PI15: variants seen among roughly 807,000 people sequenced by gnomAD.
The protein encoded by PI15 is 25 kDa trypsin inhibitor.
In PI15, 18 loss-of-function variants were observed where a neutral mutation model predicts 31.0. The ratio of observed to expected loss-of-function variants is 0.58; its 90% CI spans 0.40 to 0.86. The LOEUF is 0.86. PI15 is among the 40% of genes least tolerant of loss of function. The pLI is 0.00. For missense variants in PI15, 282 were observed against 328.1 expected, an observed-to-expected ratio of 0.86 and a Z score of 1.09; for synonymous variants, 118 against 119.1, an observed-to-expected ratio of 0.99 and a Z score of 0.06.
chr8:74,844,857 C>A, intron 3 of PI15: 1 of 378,656 alleles, frequency 2.6e-6, no homozygotes. Flanking sequence ...TTGATGATTC[C>A]TGAAATTATT....
chr8:74,831,700 C>A (rs1210766006), intron 2 of PI15, among the ~76,000 whole-genome samples: 1 of 152,042 alleles, frequency 6.6e-6, no homozygotes, highest in East Asian at 1.9e-4. Flanking sequence ...GTGGGAAGAC[C>A]TAGCTCAGAT....
chr8:74,826,574 A>G lies in PI15; in HGVS notation c.273+1052A>G, dbSNP rs1480304233. On this transcript the variant is annotated intron_variant, in intron 2 of 5. Transcript: ENST00000260113. Reference sequence around the variant, plus strand: ...TACAATTTAGACTCTGTGAAAATGCATTTTCCTAGAATTTATAAAGACAGA... The same window carrying G: ...TACAATTTAGACTCTGTGAAAATGCGTTTTCCTAGAATTTATAAAGACAGA... 1.1e-4 allele frequency among the ~76,000 whole-genome samples: 16 copies of G among 152,086 alleles called. 1 individual carries two copies. Among genetic ancestry groups the G allele is most frequent in the Admixed American group, 6.6e-4 (10 of 15,244 alleles).
intron 2 of PI15, among the ~76,000 whole-genome samples, chr8:74,830,674 T>C: frequency 6.6e-6 from 1 of 152,162 alleles, no homozygotes; most frequent in Non-Finnish European, 1.5e-5. Flanking sequence ...ATTAAACACT[T>C]GTAGTATCTA....
At chr8:74,834,213 G>A (rs1008361626) in intron 2 of PI15, among the ~76,000 whole-genome samples, 3 of 152,174 alleles carry the variant, frequency 2.0e-5, no homozygotes, top group South Asian at 2.1e-4. Flanking sequence ...CTCTTCCTGC[G>A]TTCATCTCTC....
chr8:74,836,077 T>TA (rs1810868536), intron 2 of PI15, among the ~76,000 whole-genome samples: 1 of 152,178 alleles, frequency 6.6e-6, no homozygotes, highest in South Asian at 2.1e-4. Context: ...ATATAGACTA[T>TA]AAAAAATAGA....
intron 2 of PI15, among the ~76,000 whole-genome samples, chr8:74,836,967 G>T (rs1283086732): frequency 6.6e-6 from 1 of 152,042 alleles, no homozygotes; most frequent in Non-Finnish European, 1.5e-5. Context: ...TAGGAAAAGG[G>T]TTCAAGAGAG....
At chr8:74,838,422 T>C (rs1027817880) in intron 2 of PI15, among the ~76,000 whole-genome samples, 37 of 152,278 alleles carry the variant, frequency 2.4e-4, no homozygotes, top group African/African-American at 8.7e-4. Flanking sequence ...TAAAAAGTAA[T>C]GTCAACTTTC....
chr8:74,846,380 CTG>C (rs1341961757), intron 5 of PI15, among the ~76,000 whole-genome samples: 4 of 152,152 alleles, frequency 2.6e-5, no homozygotes, highest in African/African-American at 9.7e-5. Flanking sequence ...GGAAAGTAGA[CTG>C]TGTCTGCATT....
chr8:74,826,374 T>C, intron 2 of PI15: 6 of 519,494 alleles, frequency 1.2e-5, no homozygotes, highest in Non-Finnish European at 1.5e-5. Flanking sequence ...GGGGAGGGGG[T>C]ACCACTAACA....
intron 2 of PI15, among the ~76,000 whole-genome samples, chr8:74,830,017 C>T (rs1050863240): frequency 1.3e-5 from 2 of 152,062 alleles, no homozygotes; most frequent in Non-Finnish European, 2.9e-5. Flanking sequence ...ATTAGGGATG[C>T]GTTTTAGAAA....
At chr8:74,825,830 A>T (rs943214901) in intron 2 of PI15, among the ~76,000 whole-genome samples, 1 of 152,064 alleles carries the variant, frequency 6.6e-6, no homozygotes, top group Non-Finnish European at 1.5e-5. Context: ...AAAGTGGGGT[A>T]TGTTGACTGA....
chr8:74,838,256 C>A (rs77246199), intron 2 of PI15, among the ~76,000 whole-genome samples: 2 of 151,036 alleles, frequency 1.3e-5, no homozygotes, highest in East Asian at 2.0e-4. Context: ...GATAAGAAAT[C>A]ATAAATTCAA....
chr8:74,837,973 T>G lies in PI15; in HGVS notation c.274-6008T>G, dbSNP rs187605659. Among the ~76,000 whole-genome samples, 943 of 152,252 alleles carry G rather than the reference T, an allele frequency of 6.2e-3. 6 individuals are homozygous for G. The highest frequency in any genetic ancestry group is 9.3e-3 in the Non-Finnish European group (631 of 68,008). On this transcript the variant is annotated intron_variant, in intron 2 of 5. Transcript: ENST00000260113. Reference sequence around the variant, plus strand: ...TTCTTTTTTCCTTAAAATTTTAACTTTATGAATTTTTGTTCTTTCCATAAG... The same window carrying G: ...TTCTTTTTTCCTTAAAATTTTAACTGTATGAATTTTTGTTCTTTCCATAAG...
At chr8:74,825,578 T>C in intron 2 of PI15, 56 bp downstream of exon 2, 1 of 1,414,078 alleles carries the variant, frequency 7.1e-7, no homozygotes. Flanking sequence ...CTTTATATTG[T>C]ACATCTGCAG....
At position 74,854,658 on chromosome 8, in the gene PI15, T is replaced by A. The variant is rs1346717629; in HGVS notation, c.*5405T>A. Reference sequence around the variant, plus strand: ...ATACTGTGCTAAGCTGGTGCTTGGATACATATTACAGCATCTTGTGTTTTA... The same window carrying A: ...ATACTGTGCTAAGCTGGTGCTTGGAAACATATTACAGCATCTTGTGTTTTA... On this transcript the variant is annotated 3_prime_UTR_variant, in exon 6 of 6. Transcript: ENST00000260113. The A allele has an allele frequency of 6.6e-6, 1 of 152,182 alleles. No individual in the cohort carries two copies. Among genetic ancestry groups the A allele is most frequent in the Non-Finnish European group, 1.5e-5 (1 of 68,014 alleles). The allele number at this position is 152,182 out of a possible 1,614,324, so 9.4% of individuals were successfully genotyped here.
At chr8:74,834,661 G>T (rs183809643) in intron 2 of PI15, among the ~76,000 whole-genome samples, 7 of 152,288 alleles carry the variant, frequency 4.6e-5, no homozygotes, top group Admixed American at 3.9e-4. Flanking sequence ...ACATATGCAC[G>T]CATGAACAGT....
At chr8:74,830,733 G>A (rs933161195) in intron 2 of PI15, among the ~76,000 whole-genome samples, 13 of 151,770 alleles carry the variant, frequency 8.6e-5, no homozygotes, top group South Asian at 4.2e-4. Context: ...GCCATATACC[G>A]TCCCACAAGG....
chr8:74,824,851 A>C (rs544448486), intron 1 of PI15, 176 bp downstream of exon 1: 1 of 185,656 alleles, frequency 5.4e-6, no homozygotes, highest in African/African-American at 2.4e-5. Flanking sequence ...CCTGTGATTC[A>C]TTTTTTCTTC....
intron 5 of PI15, among the ~76,000 whole-genome samples, chr8:74,846,435 A>G (rs960953106): frequency 2.6e-5 from 4 of 152,224 alleles, no homozygotes; most frequent in African/African-American, 9.6e-5. Flanking sequence ...CGAAAATTTT[A>G]GTTTTACACA....
Sources: allele counts gnomAD v4.1 joint callset (sites outside exome capture counted in the v4.1 genomes callset), GRCh38; gene constraint gnomAD v4.1.1; transcripts MANE v1.5; gene names NCBI Gene and HGNC (gene_info 2026-07-23, HGNC 2026-07-21).